PACS1: variants seen among roughly 807,000 people sequenced by gnomAD.
The protein encoded by PACS1 is phosphofurin acidic cluster sorting protein 1.
Under a neutral mutation model 115.0 loss-of-function variants are expected in PACS1, and 24 were observed. The observed-to-expected ratio is 0.21, with a 90% CI of 0.15 to 0.29. PACS1 has a LOEUF of 0.29. Among genes scored for constraint, PACS1 ranks in the 10% least tolerant of loss-of-function variants. The pLI is 1.00. For missense variants in PACS1, 838 were observed against 1,251.2 expected (o/e 0.67, Z 4.98); for synonymous variants, 453 against 504.5 (o/e 0.90, Z 1.37).
rs191739841 is a variant in PACS1, at chr11:66,080,007, G to A, written c.356+9165G>A. 4.4e-4 allele frequency among the ~76,000 whole-genome samples: 67 copies of A among 152,298 alleles called. No homozygotes were observed. In the South Asian group the frequency reaches 7.9e-3, roughly 18 times the overall value. On this transcript the variant is annotated intron_variant, in intron 1 of 23. Transcript: ENST00000320580. ...TCTTCACTGACCTGCTACCTTGGAAGGCTGTCCTCACCTGCCCAACCCCTT... is the reference window on the plus strand; with the variant it reads ...TCTTCACTGACCTGCTACCTTGGAAAGCTGTCCTCACCTGCCCAACCCCTT...
intron 1 of PACS1, among the ~76,000 whole-genome samples, chr11:66,169,430 C>T (rs1288276286): frequency 6.7e-6 from 1 of 149,498 alleles, no homozygotes; most frequent in Non-Finnish European, 1.5e-5. Flanking sequence ...GACAGAGTCT[C>T]ACCCTGCCAC....
At chr11:66,166,720 A>G (rs1264269315) in intron 1 of PACS1, among the ~76,000 whole-genome samples, 1 of 150,216 alleles carries the variant, frequency 6.7e-6, no homozygotes, top group Non-Finnish European at 1.5e-5. Context: ...AGGTTTGTCT[A>G]CTCCTCTGAC....
At chr11:66,228,387 C>T (rs986328694) in intron 11 of PACS1, among the ~76,000 whole-genome samples, 4 of 152,080 alleles carry the variant, frequency 2.6e-5, no homozygotes, top group African/African-American at 9.7e-5. Flanking sequence ...GTAAATAAGA[C>T]TACATTAAAG....
chr11:66,100,738 G>A (rs984694803), intron 1 of PACS1: 1 of 453,180 alleles, frequency 2.2e-6, no homozygotes, highest in Non-Finnish European at 4.4e-6. Flanking sequence ...TCCAGGGGCG[G>A]AGGCTAGAAT....
Position 66,164,153 on chromosome 11 carries a change from T to A in PACS1, c.357-29333T>A, listed in dbSNP as rs1859547140. ...AGTGGCAGAATCTGGATTTAATGCC[T>A]CCATAATTGGGAAAAAGAGCAGAAA... On this transcript the variant is annotated intron_variant, in intron 1 of 23. Coordinates refer to ENST00000320580, the MANE Select transcript of PACS1 (RefSeq NM_018026.4). Among the ~76,000 whole-genome samples, 6 of 152,292 alleles carry A rather than the reference T, an allele frequency of 3.9e-5. No individual in the cohort carries two copies. The South Asian group carries it at 1.2e-3, about 32-fold the overall frequency.
chr11:66,216,775 G>A lies in PACS1; in HGVS notation c.978G>A (p.Arg326=), dbSNP rs374187874. The change falls in exon 7 of 24, where the codon AGG becomes AGA. Residue 326 remains arginine (R), a splice_region_variant and synonymous_variant. Transcript: ENST00000320580. ...TAACCTCAACCTCTGCCATCACAAG[G>A]GTGAGCCTCAAAGGTCTGGGGAGTG... ...RKLTSTSAIT[R]QPNIKQKFVA... is the part of the protein sequence containing the mutation. The A allele has an allele frequency of 2.5e-6, 4 of 1,612,806 alleles. No homozygotes were observed. Among genetic ancestry groups the A allele is most frequent in the Non-Finnish European group, 3.4e-6 (4 of 1,179,088 alleles).
intron 1 of PACS1, among the ~76,000 whole-genome samples, chr11:66,140,523 C>T (rs888981771): frequency 6.6e-6 from 1 of 152,064 alleles, no homozygotes; most frequent in African/African-American, 2.4e-5. Context: ...GAGGGATGCC[C>T]ACTGGGTAGA....
At chr11:66,136,421 CT>C (rs1168886104) in intron 1 of PACS1, among the ~76,000 whole-genome samples, 3 of 151,912 alleles carry the variant, frequency 2.0e-5, no homozygotes, top group Non-Finnish European at 4.4e-5. Context: ...CCTTCATATC[CT>C]CTAACATCCC....
At chr11:66,119,377 A>G (rs1035920132) in intron 1 of PACS1, among the ~76,000 whole-genome samples, 2 of 152,220 alleles carry the variant, frequency 1.3e-5, no homozygotes, top group African/African-American at 4.8e-5. Flanking sequence ...TTCTCCCTAC[A>G]ACGGTAGAAT....
At position 66,215,902 on chromosome 11, in the gene PACS1, AAATAATAATAATAATAATAAT is replaced by A. The variant is rs71461611; in HGVS notation, c.661-187_661-167del. ...GCGACAGTGAGAGACTCCGTCTCAAAAATAATAATAATAATAATAATAATAATAATAATAATAATAATAATA... is the reference window on the plus strand; with the variant it reads ...GCGACAGTGAGAGACTCCGTCTCAAAAATAATAATAATAATAATAATAATA... On this transcript the variant is annotated intron_variant, in intron 4 of 23. Transcript: ENST00000320580. Among the ~76,000 whole-genome samples the A allele has an allele frequency of 2.4e-3, 327 of 136,994 alleles. 7 individuals are homozygous for A. The South Asian group carries it at 0.059, about 25-fold the overall frequency. 89.9% of individuals were successfully genotyped at this position (136,994 alleles called of 152,430 possible). A position where few individuals can be genotyped will look rare whatever the true frequency, so the allele number is the denominator to read the frequency against.
chr11:66,234,812 G>A (rs897827501), intron 17 of PACS1, among the ~76,000 whole-genome samples: 1 of 152,154 alleles, frequency 6.6e-6, no homozygotes, highest in Non-Finnish European at 1.5e-5. Context: ...AGAAGGTTGA[G>A]GCTGCAGTGT....
chr11:66,119,137 G>A (rs143241991), intron 1 of PACS1, among the ~76,000 whole-genome samples: 99 of 152,274 alleles, frequency 6.5e-4, no homozygotes, highest in African/African-American at 2.3e-3. Flanking sequence ...TCTTCTGACC[G>A]GTAGCGTTAA....
chr11:66,158,215 G>A (rs2134620650), intron 1 of PACS1, among the ~76,000 whole-genome samples: 1 of 152,326 alleles, frequency 6.6e-6, no homozygotes, highest in East Asian at 1.9e-4. Context: ...GTGATCCACT[G>A]GCTTTGGCTT....
intron 1 of PACS1, among the ~76,000 whole-genome samples, chr11:66,088,694 T>G (rs1857612188): frequency 6.6e-6 from 1 of 152,242 alleles, no homozygotes; most frequent in South Asian, 2.1e-4. Flanking sequence ...TCCCGCTTTG[T>G]GCTTCTTCAT....
At chr11:66,129,792 C>A (rs1349732952) in intron 1 of PACS1, among the ~76,000 whole-genome samples, 1 of 152,060 alleles carries the variant, frequency 6.6e-6, no homozygotes, top group African/African-American at 2.4e-5. Flanking sequence ...CTAATTTCTC[C>A]TTGCAGCTGT....
At chr11:66,154,397 C>T (rs1253452961) in intron 1 of PACS1, among the ~76,000 whole-genome samples, 3 of 152,038 alleles carry the variant, frequency 2.0e-5, no homozygotes, top group Non-Finnish European at 2.9e-5. Flanking sequence ...TATGATAGCA[C>T]CACTGCCCTC....
chr11:66,083,165 T>C (rs1857517058), intron 1 of PACS1, among the ~76,000 whole-genome samples: 1 of 152,158 alleles, frequency 6.6e-6, no homozygotes, highest in African/African-American at 2.4e-5. Flanking sequence ...GCTTTTGCTG[T>C]GGATGAAAAT....
chr11:66,200,043 C>A (rs151162406), intron 2 of PACS1, among the ~76,000 whole-genome samples: 5 of 110,672 alleles, frequency 4.5e-5, no homozygotes, highest in African/African-American at 1.2e-4. Flanking sequence ...AAAAACAAAA[C>A]AAAACAAAAA....
intron 1 of PACS1, among the ~76,000 whole-genome samples, chr11:66,181,206 A>T (rs1336374022): frequency 2.7e-5 from 4 of 149,784 alleles, no homozygotes; most frequent in African/African-American, 4.9e-5. Context: ...TTTTAATTTT[A>T]ATTTTTTATT....
Sources: allele counts gnomAD v4.1 joint callset (sites outside exome capture counted in the v4.1 genomes callset), GRCh38; gene constraint gnomAD v4.1.1; transcripts MANE v1.5; gene names NCBI Gene and HGNC (gene_info 2026-07-23, HGNC 2026-07-21).